The following PLEKHG3 variants were observed in gnomAD, a reference collection of about 807,000 sequenced individuals.
PLEKHG3 encodes pleckstrin homology domain-containing family G member 3.
Under a neutral mutation model 94.9 loss-of-function variants are expected in PLEKHG3, and 62 were observed. The ratio of observed to expected loss-of-function variants is 0.65; its 90% CI spans 0.53 to 0.81. The LOEUF (loss-of-function observed/expected upper bound fraction) is 0.81, where lower values mean the gene tolerates loss of function less well. PLEKHG3 is among the 30% of genes least tolerant of loss of function. PLEKHG3 has a pLI of 0.00. For missense variants in PLEKHG3, 1,461 were observed against 1,619.3 expected (o/e 0.90, Z 1.68); for synonymous variants, 614 against 654.0 (o/e 0.94, Z 0.93).
chr14:64,722,698 A>G lies in PLEKHG3; in HGVS notation c.-39-4895A>G, dbSNP rs2081283890. 6.6e-6 allele frequency among the ~76,000 whole-genome samples: 1 copy of G among 152,166 alleles called. No individual in the cohort carries two copies. The highest frequency in any genetic ancestry group is 1.5e-5 in the Non-Finnish European group (1 of 68,020). Reference sequence around the variant, plus strand: ...GAAGGGCAGTGGATGAAATGACGACATCAGCCTCTGAACCAGAATGTTTTC... The same window carrying G: ...GAAGGGCAGTGGATGAAATGACGACGTCAGCCTCTGAACCAGAATGTTTTC... On this transcript the variant is annotated intron_variant, in intron 1 of 16. Coordinates refer to ENST00000247226, the MANE Select transcript of PLEKHG3 (RefSeq NM_001308147.2). This position sits in a 1 kb window ranked among gnomAD's most constrained non-coding sequence, Gnocchi z 4.3.
rs79061053 is a variant in PLEKHG3, at chr14:64,718,376, C to T, written c.-39-9217C>T. ...AATGAATTCCCAAACTGGAGGCAGT[C>T]TTGAACTCCCATACTGCTCATGCCT... is the stretch of plus-strand genomic sequence containing the variant. On this transcript the variant is annotated intron_variant, in intron 1 of 16. Transcript: ENST00000247226. This position sits in a 1 kb window ranked among gnomAD's most constrained non-coding sequence, Gnocchi z 5.0. 1.8e-3 allele frequency among the ~76,000 whole-genome samples: 276 copies of T among 152,320 alleles called. 4 individuals are homozygous for T. The highest frequency in any genetic ancestry group is 0.016 in the East Asian group (84 of 5,176).
At chr14:64,735,093 C>T (rs889030647) in intron 12 of PLEKHG3, among the ~76,000 whole-genome samples, 7 of 152,132 alleles carry the variant, frequency 4.6e-5, no homozygotes, top group Non-Finnish European at 1.0e-4. Context: ...TGCTGGCCAC[C>T]GTTGAACCTT....
Position 64,721,374 on chromosome 14 carries a change from T to C in PLEKHG3, c.-39-6219T>C, listed in dbSNP as rs2139372013. 6.6e-6 allele frequency among the ~76,000 whole-genome samples: 1 copy of C among 152,276 alleles called. No individual in the cohort carries two copies. The highest frequency in any genetic ancestry group is 2.1e-4 in the South Asian group (1 of 4,820). ...TTCCAAGGTCAGGCCGAGGGAACTTTCTGGACTTCAGTTGCAGGCCCAGGC... is the reference window on the plus strand; with the variant it reads ...TTCCAAGGTCAGGCCGAGGGAACTTCCTGGACTTCAGTTGCAGGCCCAGGC... On this transcript the variant is annotated intron_variant, in intron 1 of 16. Transcript: ENST00000247226. This position sits in a 1 kb window ranked among gnomAD's most constrained non-coding sequence, Gnocchi z 4.3.
At position 64,716,177 on chromosome 14, in the gene PLEKHG3, G is replaced by A. The variant is rs541462284; in HGVS notation, c.-39-11416G>A. The A allele has an allele frequency of 2.6e-5, 10 of 386,016 alleles. No individual in the cohort carries two copies. The highest frequency in any genetic ancestry group is 7.6e-5 in the East Asian group (1 of 13,102). 23.9% of individuals were successfully genotyped at this position (386,016 alleles called of 1,614,324 possible). A position where few individuals can be genotyped will look rare whatever the true frequency, so the allele number is the denominator to read the frequency against. On this transcript the variant is annotated intron_variant, in intron 1 of 16. Transcript: ENST00000247226. The surrounding 1 kb of genome is among the most constrained non-coding windows in gnomAD (Gnocchi z 5.0). The stretch of plus-strand genomic sequence containing the variant: ...CAACTCCGGGCCTCTAAGCCTTGCC[G>A]GACTTCCCCCAGGAAACCCAGCCAA...
intron 1 of PLEKHG3, among the ~76,000 whole-genome samples, chr14:64,707,405 T>C (rs2080989123): frequency 6.6e-6 from 1 of 152,246 alleles, no homozygotes; most frequent in African/African-American, 2.4e-5. Flanking sequence ...TAAAGTACTC[T>C]ATTCATTCAT....
In PLEKHG3 at chr14:64,731,630, C is replaced by G; in HGVS notation, c.1033-84C>G. The G allele has an allele frequency of 6.6e-7, 1 of 1,509,174 alleles. No individual in the cohort carries two copies. Among genetic ancestry groups the G allele is most frequent in the Non-Finnish European group, 9.2e-7 (1 of 1,084,996 alleles). 93.5% of individuals were successfully genotyped at this position (1,509,174 alleles called of 1,614,324 possible). ...CCCTTCTTGTCTGCTTCTTGGGGCT[C>G]CAGCACCACCCTTCTGAGATCACCC... On this transcript the variant is annotated intron_variant, in intron 8 of 16. Transcript: ENST00000247226. This position sits in a 1 kb window ranked among gnomAD's most constrained non-coding sequence, Gnocchi z 6.1.
In PLEKHG3 at chr14:64,731,245, C is replaced by T. The variant is rs1033892182; in HGVS notation, c.849+76C>T. On this transcript the variant is annotated intron_variant, in intron 7 of 16. Coordinates refer to ENST00000247226, the MANE Select transcript of PLEKHG3 (RefSeq NM_001308147.2). The surrounding 1 kb of genome is among the most constrained non-coding windows in gnomAD (Gnocchi z 6.1). The stretch of plus-strand genomic sequence containing the variant: ...CTTCCGCTGGGAAGAGGGACTGTGG[C>T]CACCCTGCTGGGATGAGCTGGGCAG... 1 of 1,483,482 alleles carries T rather than the reference C, an allele frequency of 6.7e-7. No individual in the cohort carries two copies. The highest frequency in any genetic ancestry group is 9.3e-7 in the Non-Finnish European group (1 of 1,074,184). The allele number at this position is 1,483,482 out of a possible 1,614,324, so 91.9% of individuals were successfully genotyped here.
rs773243167 is a variant in PLEKHG3 at position 64,749,143 on chromosome 14, C to A, written c.*5440C>A. The A allele has an allele frequency of 1.6e-5, 12 of 769,328 alleles. No homozygotes were observed. Among genetic ancestry groups the A allele is most frequent in the Middle Eastern group, 3.9e-4 (1 of 2,546 alleles). The allele number at this position is 769,328 out of a possible 1,614,324, so 47.7% of individuals were successfully genotyped here. Reference sequence around the variant, plus strand: ...ATGGAGGGGGCGTCGGCCCAGGACACGCGGGCGAAGGCAGCTTTTGCAGTG... The same window carrying A: ...ATGGAGGGGGCGTCGGCCCAGGACAAGCGGGCGAAGGCAGCTTTTGCAGTG... On this transcript the variant is annotated 3_prime_UTR_variant, in exon 17 of 17. Transcript: ENST00000247226. The surrounding 1 kb of genome is among the most constrained non-coding windows in gnomAD (Gnocchi z 4.7).
rs577260104 is a variant in PLEKHG3, at chr14:64,711,431, T to C, written c.-40+6727T>C. Reference sequence around the variant, plus strand: ...TGCTTTTTTTTTGTTTTTTTTTTTTTGAGACGGAGTCTCACTCTGTTGCCC... The same window carrying C: ...TGCTTTTTTTTTGTTTTTTTTTTTTCGAGACGGAGTCTCACTCTGTTGCCC... On this transcript the variant is annotated intron_variant, in intron 1 of 16. Transcript: ENST00000247226. Among the ~76,000 whole-genome samples, 89 of 149,610 alleles carry C rather than the reference T, an allele frequency of 5.9e-4. 3 individuals are homozygous for C. Among genetic ancestry groups the C allele is most frequent in the South Asian group, 4.4e-3 (21 of 4,734 alleles).
chr14:64,707,830 C>CT (rs1318792698), intron 1 of PLEKHG3, among the ~76,000 whole-genome samples: 1 of 152,238 alleles, frequency 6.6e-6, no homozygotes, highest in Non-Finnish European at 1.5e-5. Flanking sequence ...GCCCTGTGGA[C>CT]TTTGATGTGG....
chr14:64,710,083 C>G (rs188373091), intron 1 of PLEKHG3, among the ~76,000 whole-genome samples: 45 of 152,276 alleles, frequency 3.0e-4, no homozygotes, highest in Non-Finnish European at 5.9e-5. Flanking sequence ...CCAAAGCTTG[C>G]TACACATTTT....
chr14:64,723,937 C>G lies in PLEKHG3; in HGVS notation c.-39-3656C>G, dbSNP rs1002782464. Reference sequence around the variant, plus strand: ...CCCGTATGTGGTAGGATGGGGTAGGCGTGGGTACCTGGTTTGAGGGTTTGG... The same window carrying G: ...CCCGTATGTGGTAGGATGGGGTAGGGGTGGGTACCTGGTTTGAGGGTTTGG... On this transcript the variant is annotated intron_variant, in intron 1 of 16. Coordinates refer to ENST00000247226, the MANE Select transcript of PLEKHG3 (RefSeq NM_001308147.2). The surrounding 1 kb of genome is among the most constrained non-coding windows in gnomAD (Gnocchi z 4.5). 1 of 152,094 alleles carries G rather than the reference C, an allele frequency of 6.6e-6. No homozygotes were observed. The highest frequency in any genetic ancestry group is 6.6e-5 in the Admixed American group (1 of 15,258). 9.4% of individuals were successfully genotyped at this position (152,094 alleles called of 1,614,324 possible). A position where few individuals can be genotyped will look rare whatever the true frequency, so the allele number is the denominator to read the frequency against.
Position 64,741,351 on chromosome 14 carries a change from A to G in PLEKHG3, c.1834A>G (p.Ser612Gly). The G allele has an allele frequency of 6.2e-7, 1 of 1,613,466 alleles. No individual in the cohort carries two copies. Among genetic ancestry groups the G allele is most frequent in the Non-Finnish European group, 8.5e-7 (1 of 1,180,006 alleles). ...ASVIAERFVS[S>G]FSRRSSVAQE... ...CGTCATTGCGGAGCGATTTGTCAGC[A>G]GCTTCTCTCGGCGGAGCAGCGTGGC... Residue 612 changes from serine (S) to glycine (G), a missense_variant, in exon 16 of 17, where the codon AGC becomes GGC. Transcript: ENST00000247226.
rs1566725580 is a variant in PLEKHG3, at chr14:64,746,539, A to T, written c.*2836A>T. 1 of 152,544 alleles carries T rather than the reference A, an allele frequency of 6.6e-6. No individual in the cohort carries two copies. Among genetic ancestry groups the T allele is most frequent in the Non-Finnish European group, 1.5e-5 (1 of 68,030 alleles). The allele number at this position is 152,544 out of a possible 1,614,324, so 9.4% of individuals were successfully genotyped here. A position where few individuals can be genotyped will look rare whatever the true frequency, so the allele number is the denominator to read the frequency against. On this transcript the variant is annotated 3_prime_UTR_variant, in exon 17 of 17. Coordinates refer to ENST00000247226, the MANE Select transcript of PLEKHG3 (RefSeq NM_001308147.2). The surrounding 1 kb of genome is among the most constrained non-coding windows in gnomAD (Gnocchi z 4.9). ...CTGGATTCCTGCCCCCCTCCCATGA[A>T]GGGAGGAAGAGGATTCAGGGTCAGC...
At chr14:64,733,563 C>T (rs1318491628) in intron 12 of PLEKHG3, among the ~76,000 whole-genome samples, 1 of 152,216 alleles carries the variant, frequency 6.6e-6, no homozygotes, top group Non-Finnish European at 1.5e-5. Context: ...GGAATACCAA[C>T]ACCAAGTCAT....
intron 1 of PLEKHG3, among the ~76,000 whole-genome samples, chr14:64,713,186 G>T (rs2081087214): frequency 6.6e-6 from 1 of 152,230 alleles, no homozygotes; most frequent in African/African-American, 2.4e-5. Flanking sequence ...GTGGTTGCTA[G>T]ATTCAATTTG....
chr14:64,706,742 C>T (rs899301368), intron 1 of PLEKHG3, among the ~76,000 whole-genome samples: 1 of 152,250 alleles, frequency 6.6e-6, no homozygotes, highest in Non-Finnish European at 1.5e-5. Flanking sequence ...TCACTGTTTA[C>T]GCTGGAAGAG....
chr14:64,732,015 G>A lies in PLEKHG3; in HGVS notation c.1126-80G>A, dbSNP rs2081476793. 5 of 1,101,902 alleles carry A rather than the reference G, an allele frequency of 4.5e-6. No homozygotes were observed. Among genetic ancestry groups the A allele is most frequent in the Non-Finnish European group, 7.0e-6 (5 of 717,768 alleles). The allele number at this position is 1,101,902 out of a possible 1,614,324, so 68.3% of individuals were successfully genotyped here. Reference sequence around the variant, plus strand: ...CAGCATGGCCCCACTTTTTCTCCCTGGGTGGAAGCACTGTCCATGCTAGAC... The same window carrying A: ...CAGCATGGCCCCACTTTTTCTCCCTAGGTGGAAGCACTGTCCATGCTAGAC... On this transcript the variant is annotated intron_variant, in intron 9 of 16. Coordinates refer to ENST00000247226, the MANE Select transcript of PLEKHG3 (RefSeq NM_001308147.2). This position sits in a 1 kb window ranked among gnomAD's most constrained non-coding sequence, Gnocchi z 4.9.
rs2081643878 is a variant in PLEKHG3 at position 64,739,602 on chromosome 14, A to C, written c.1518+747A>C. The stretch of plus-strand genomic sequence containing the variant: ...ATGATGTCTTAGCTTGAGCTGCTGT[A>C]ACAAAATCCCTTACTGCTACGTGGG... On this transcript the variant is annotated intron_variant, in intron 15 of 16. Coordinates refer to ENST00000247226, the MANE Select transcript of PLEKHG3 (RefSeq NM_001308147.2). The surrounding 1 kb of genome is among the most constrained non-coding windows in gnomAD (Gnocchi z 4.1). Among the ~76,000 whole-genome samples the C allele has an allele frequency of 6.6e-6, 1 of 152,236 alleles. No homozygotes were observed. Among genetic ancestry groups the C allele is most frequent in the Admixed American group, 6.5e-5 (1 of 15,284 alleles).
Sources: allele counts gnomAD v4.1 joint callset (sites outside exome capture counted in the v4.1 genomes callset), GRCh38; gene constraint gnomAD v4.1.1; non-coding constraint Gnocchi (gnomAD v3.1); transcripts MANE v1.5; gene names NCBI Gene and HGNC (gene_info 2026-07-23, HGNC 2026-07-21).